Variants in TRAPPC9 observed in about 807,000 individuals in gnomAD.
TRAPPC9 encodes the protein IKK2 binding protein.
In TRAPPC9, 83 loss-of-function variants were observed where a neutral mutation model predicts 124.0. The ratio of observed to expected loss-of-function variants is 0.67; its 90% confidence interval spans 0.56 to 0.80. TRAPPC9 has a LOEUF of 0.80. Ranked by LOEUF, TRAPPC9 falls within the 30% of genes least tolerant of loss-of-function variation. The pLI, the probability that TRAPPC9 is intolerant of heterozygous loss-of-function variation, is 0.00. For synonymous variants in TRAPPC9, 638 were observed against 617.5 expected (o/e 1.03, Z -0.49); for missense variants, 1,302 against 1,508.3 (o/e 0.86, Z 2.27).
At chr8:140,323,182 C>T (rs2066643394) in intron 9 of TRAPPC9, among the ~76,000 whole-genome samples, 1 of 152,150 alleles carries the variant, frequency 6.6e-6, no homozygotes, top group Non-Finnish European at 1.5e-5. Flanking sequence ...GGAGAGCTTG[C>T]AAATAACAGC....
At chr8:140,206,169 T>C (rs1425985242) in intron 17 of TRAPPC9, among the ~76,000 whole-genome samples, 1 of 152,186 alleles carries the variant, frequency 6.6e-6, no homozygotes, top group Non-Finnish European at 1.5e-5. Flanking sequence ...TCTCAAAAGA[T>C]ACATAATAAG....
At chr8:140,085,047 G>A (rs780786377) in intron 17 of TRAPPC9, among the ~76,000 whole-genome samples, 3 of 152,188 alleles carry the variant, frequency 2.0e-5, no homozygotes, top group Admixed American at 2.0e-4. Context: ...GCCAATCCAG[G>A]TACAGATTCA....
rs552845507 is a variant in TRAPPC9 at position 139,850,361 on chromosome 8, G to A, written c.3055+35518C>T. On this transcript the variant is annotated intron_variant, in intron 21 of 22. Transcript: ENST00000438773. ...CACTAGAACCCAGGGCTCCTGACTC[G>A]CAGAGTTCAGTGTTCTTTCCAGATA... Among the ~76,000 whole-genome samples the A allele has an allele frequency of 1.1e-3, 161 of 152,154 alleles. 3 individuals carry two copies. The highest frequency in any genetic ancestry group is 1.8e-4 in the Non-Finnish European group (12 of 68,040).
upstream of TRAPPC9, chr8:140,458,197 C>T (rs1225184071): frequency 1.3e-6 from 2 of 1,549,532 alleles, no homozygotes; most frequent in Admixed American, 3.9e-5. Context: ...GGGACCGGAG[C>T]AAGAGAACAG....
intron 9 of TRAPPC9, among the ~76,000 whole-genome samples, chr8:140,349,593 G>A (rs934886097): frequency 1.3e-5 from 2 of 152,182 alleles, no homozygotes; most frequent in African/African-American, 4.8e-5. Context: ...CTGCACACAG[G>A]GAAGCCAGTG....
chr8:140,016,278 G>A (rs578182461), intron 18 of TRAPPC9, among the ~76,000 whole-genome samples: 34 of 152,220 alleles, frequency 2.2e-4, no homozygotes, highest in Admixed American at 7.8e-4. Flanking sequence ...ATCAATATAT[G>A]CAACATTTCA....
intron 19 of TRAPPC9, among the ~76,000 whole-genome samples, chr8:139,947,446 T>C (rs974894773): frequency 2.0e-5 from 3 of 152,168 alleles, no homozygotes; most frequent in Non-Finnish European, 2.9e-5. Flanking sequence ...TGAAGAAAAA[T>C]AGACCTTTGT....
At chr8:139,765,577 G>A (rs943218102) in intron 21 of TRAPPC9, among the ~76,000 whole-genome samples, 2 of 152,202 alleles carry the variant, frequency 1.3e-5, no homozygotes, top group Non-Finnish European at 2.9e-5. Flanking sequence ...GCTTTTCTTG[G>A]TTTCAGGTCA....
chr8:139,993,133 T>C (rs531860717), intron 18 of TRAPPC9, among the ~76,000 whole-genome samples: 121 of 152,258 alleles, frequency 7.9e-4, no homozygotes, highest in Non-Finnish European at 1.4e-3. Context: ...TTTTAATGCG[T>C]TGCAAATATC....
chr8:140,371,107 T>C lies in TRAPPC9; in HGVS notation c.1208A>G (p.Lys403Arg). The C allele has an allele frequency of 6.2e-7, 1 of 1,614,204 alleles. No homozygotes were observed. Among genetic ancestry groups the C allele is most frequent in the East Asian group, 2.2e-5 (1 of 44,896 alleles). ...GGCCACGCGCTTGAAGAACGCAGACTTGCGATGGAAGCCGATCAGCTCATA... is the reference window on the plus strand; with the variant it reads ...GGCCACGCGCTTGAAGAACGCAGACCTGCGATGGAAGCCGATCAGCTCATA... The part of the protein sequence containing the change: ...ELYELIGFHR[K>R]SAFFKRVAAM... Residue 403 changes from lysine to arginine, a missense_variant, in exon 8 of 23, where the codon AAG becomes AGG. Lys to Arg is a conservative substitution (Grantham distance 26, BLOSUM62 2). Coordinates refer to ENST00000438773, the MANE Select transcript of TRAPPC9 (RefSeq NM_001160372.4).
intron 17 of TRAPPC9, among the ~76,000 whole-genome samples, chr8:140,116,015 C>T (rs1045180084): frequency 2.0e-5 from 3 of 152,068 alleles, no homozygotes; most frequent in Non-Finnish European, 2.9e-5. Context: ...AAGGAGCTCA[C>T]GAGCATAAAA....
intron 17 of TRAPPC9, among the ~76,000 whole-genome samples, chr8:140,162,725 A>C (rs923957934): frequency 6.6e-6 from 1 of 152,220 alleles, no homozygotes; most frequent in African/African-American, 2.4e-5. Context: ...ACAGTGGCTC[A>C]TGCTGTGTTC....
Position 140,353,538 on chromosome 8 carries a change from G to C in TRAPPC9, c.1495+6512C>G, listed in dbSNP as rs1563968285. Among the ~76,000 whole-genome samples, 1 of 152,174 alleles carries C rather than the reference G, an allele frequency of 6.6e-6. No individual in the cohort carries two copies. The highest frequency in any genetic ancestry group is 1.5e-5 in the Non-Finnish European group (1 of 68,030). ...GTTTTTCCCCGTGTTCCCTTTTTAA[G>C]CTACGTGATGTGAAAGCCGCGAGTC... On this transcript the variant is annotated intron_variant, in intron 9 of 22. Transcript: ENST00000438773. The surrounding 1 kb of genome is among the most constrained non-coding windows in gnomAD (Gnocchi z 4.2).
intron 17 of TRAPPC9, among the ~76,000 whole-genome samples, chr8:140,069,444 A>G (rs990360968): frequency 1.3e-5 from 2 of 152,312 alleles, no homozygotes; most frequent in Non-Finnish European, 2.9e-5. Context: ...CTCAGCACAG[A>G]GGTCTGAAAA....
chr8:139,767,274 C>T (rs776866384), intron 21 of TRAPPC9, among the ~76,000 whole-genome samples: 5 of 152,238 alleles, frequency 3.3e-5, no homozygotes, highest in East Asian at 1.9e-4. Context: ...CAAGTCTGTG[C>T]GCCTCCAAAG....
At chr8:139,935,669 C>CTTTTTTTTTTTTT (rs377706417) in intron 19 of TRAPPC9, among the ~76,000 whole-genome samples, 1 of 132,572 alleles carries the variant, frequency 7.5e-6, no homozygotes, top group Non-Finnish European at 1.6e-5. Flanking sequence ...TCAGTCTTTG[C>CTTTTTTTTTTTTT]TTTTTTTTTT....
chr8:140,312,442 C>A (rs1369887110), intron 9 of TRAPPC9, among the ~76,000 whole-genome samples: 1 of 152,134 alleles, frequency 6.6e-6, no homozygotes, highest in Non-Finnish European at 1.5e-5. Context: ...TGTTTGCCTG[C>A]AGTAAGAGGA....
At chr8:140,383,361 C>A (rs1398596527) in intron 7 of TRAPPC9, among the ~76,000 whole-genome samples, 1 of 152,188 alleles carries the variant, frequency 6.6e-6, no homozygotes, top group Non-Finnish European at 1.5e-5. Context: ...GACCAAACTT[C>A]TCCAAGCTAA....
intron 17 of TRAPPC9, among the ~76,000 whole-genome samples, chr8:140,115,809 G>A (rs2060872880): frequency 6.6e-6 from 1 of 152,124 alleles, no homozygotes; most frequent in South Asian, 2.1e-4. Context: ...ACGGGTCACT[G>A]AGGATGCTGT....
Sources: gnomAD v4.1 joint callset for allele counts (sites outside exome capture counted in the v4.1 genomes callset) on GRCh38, gnomAD v4.1.1 for gene constraint, Gnocchi (gnomAD v3.1) non-coding constraint, MANE v1.5 for transcripts, NCBI Gene and HGNC (gene_info 2026-07-23, HGNC 2026-07-21) for gene names.